Variants in MTCL2 observed in about 807,000 individuals in gnomAD.
The protein encoded by MTCL2 is microtubule cross-linking factor 2.
chr20:36,810,753 T>TCTCTCTCTCTCTCTCTCTCTCTCTCTCTC, the MTCL2 span, among the ~76,000 whole-genome samples: 4 of 146,516 alleles, frequency 2.7e-5, no homozygotes, highest in Non-Finnish European at 4.5e-5. Flanking sequence ...TCTCTCTCTC[T>TCTCTCTCTCTCTCTCTCTCTCTCTCTCTC]TTCAACGGAG....
the MTCL2 span, among the ~76,000 whole-genome samples, chr20:36,825,408 G>A: frequency 3.3e-5 from 5 of 152,236 alleles, no homozygotes; most frequent in Non-Finnish European, 7.3e-5. Flanking sequence ...GGCTTCTGTG[G>A]TGCCTGGCAC....
the MTCL2 span, among the ~76,000 whole-genome samples, chr20:36,840,966 G>A: frequency 1.3e-4 from 19 of 151,862 alleles, no homozygotes; most frequent in African/African-American, 4.6e-4. Flanking sequence ...TCTGTATGGA[G>A]CCCCAAGCTT....
the MTCL2 span, among the ~76,000 whole-genome samples, chr20:36,788,818 T>TG: frequency 6.6e-6 from 1 of 151,152 alleles, no homozygotes; most frequent in African/African-American, 2.4e-5. Context: ...TTTTTTTTTT[T>TG]TTTTTGAGAC....
chr20:36,778,132 G>C, the MTCL2 span: 1 of 306,316 alleles, frequency 3.3e-6, no homozygotes, highest in Non-Finnish European at 6.0e-6. Context: ...AACAAACAAT[G>C]TGTGCTTTCT....
At chr20:36,815,236 C>G in the MTCL2 span, 4 of 1,613,900 alleles carry the variant, frequency 2.5e-6, no homozygotes, top group African/African-American at 2.7e-5. This position sits in a 1 kb window ranked among gnomAD's most constrained non-coding sequence, Gnocchi z 5.3. Context: ...ACAGAGCACC[C>G]GAGGACTGCA....
At chr20:36,832,511 A>G in the MTCL2 span, among the ~76,000 whole-genome samples, 1 of 151,894 alleles carries the variant, frequency 6.6e-6, no homozygotes, top group Non-Finnish European at 1.5e-5. Context: ...TTTCCTATTT[A>G]CTCCCTTTCC....
chr20:36,815,311 G>A, the MTCL2 span: 3 of 1,613,896 alleles, frequency 1.9e-6, no homozygotes, highest in South Asian at 3.3e-5. The surrounding 1 kb of genome is among the most constrained non-coding windows in gnomAD (Gnocchi z 5.3). Context: ...AGGATGGCAT[G>A]GATGAGCTTG....
At chr20:36,793,573 C>T in the MTCL2 span, 10 of 1,551,554 alleles carry the variant, frequency 6.4e-6, no homozygotes, top group Admixed American at 1.4e-4. This position sits in a 1 kb window ranked among gnomAD's most constrained non-coding sequence, Gnocchi z 6.8. Context: ...ACTCCGTGCT[C>T]CCTGAGTGCT....
chr20:36,780,508 T>A, the MTCL2 span: 1 of 152,222 alleles, frequency 6.6e-6, no homozygotes, highest in Admixed American at 6.5e-5. Flanking sequence ...TATGGCCTCC[T>A]TGCTATTCAT....
chr20:36,859,587 G>T, the MTCL2 span: 2 of 1,231,330 alleles, frequency 1.6e-6, no homozygotes, highest in Non-Finnish European at 2.0e-6. Flanking sequence ...CTCTGTAGAA[G>T]CTCCTTCTAT....
the MTCL2 span, among the ~76,000 whole-genome samples, chr20:36,801,057 T>C: frequency 6.6e-6 from 1 of 152,178 alleles, no homozygotes; most frequent in East Asian, 1.9e-4. Context: ...TTTCTTTTTT[T>C]AGATACGAAG....
chr20:36,859,837 T>TA, the MTCL2 span: 12 of 1,231,708 alleles, frequency 9.7e-6, no homozygotes, highest in Non-Finnish European at 1.2e-5. Context: ...TTCTGCATCT[T>TA]AGAGGCAAAG....
chr20:36,803,131 A>G, the MTCL2 span: 12 of 1,575,828 alleles, frequency 7.6e-6, no homozygotes, highest in Non-Finnish European at 9.5e-6. Context: ...CAGACTAAGC[A>G]GCTGGCAGCA....
At chr20:36,800,811 G>A in the MTCL2 span, among the ~76,000 whole-genome samples, 1 of 152,164 alleles carries the variant, frequency 6.6e-6, no homozygotes, top group African/African-American at 2.4e-5. Context: ...GTAATCACAG[G>A]AACTGGCAAA....
chr20:36,850,128 A>G, the MTCL2 span, among the ~76,000 whole-genome samples: 1 of 152,090 alleles, frequency 6.6e-6, no homozygotes, highest in Non-Finnish European at 1.5e-5. Flanking sequence ...GCAACTCTAC[A>G]TATGCCAAGG....
the MTCL2 span, chr20:36,804,854 C>T: frequency 6.2e-7 from 1 of 1,613,970 alleles, no homozygotes; most frequent in Non-Finnish European, 8.5e-7. Flanking sequence ...CAGCACAGCT[C>T]CTTCAGCGTC....
the MTCL2 span, chr20:36,810,042 G>C: frequency 1.2e-6 from 2 of 1,600,752 alleles, no homozygotes; most frequent in Non-Finnish European, 1.7e-6. Context: ...GCTCCTGGGA[G>C]AGCTGCTCTT....
the MTCL2 span, among the ~76,000 whole-genome samples, chr20:36,833,477 T>C: frequency 6.6e-6 from 1 of 152,230 alleles, no homozygotes; most frequent in Admixed American, 6.5e-5. Context: ...CAGCCCCTGC[T>C]CCCCAGGCAT....
chr20:36,848,105 C>T, the MTCL2 span, among the ~76,000 whole-genome samples: 4 of 152,322 alleles, frequency 2.6e-5, no homozygotes, highest in African/African-American at 9.6e-5. Flanking sequence ...GCCATGAGTG[C>T]ACCACTGCAC....
Sources: allele counts gnomAD v4.1 joint callset (sites outside exome capture counted in the v4.1 genomes callset), GRCh38; gene constraint gnomAD v4.1.1; non-coding constraint Gnocchi (gnomAD v3.1); transcripts MANE v1.5; gene names NCBI Gene and HGNC (gene_info 2026-07-23, HGNC 2026-07-21).